Variants in RNF4 observed in about 807,000 individuals in gnomAD.
The protein encoded by RNF4 is E3 ubiquitin-protein ligase RNF4.
RNF4 carries 7 observed loss-of-function variants against 24.3 expected under a neutral mutation model. The ratio of observed to expected loss-of-function variants is 0.29; its 90% CI spans 0.16 to 0.54. The LOEUF (loss-of-function observed/expected upper bound fraction) is 0.54, where lower values mean the gene tolerates loss of function less well. RNF4 is among the 20% of genes least tolerant of loss of function. RNF4 has a pLI of 0.95. For synonymous variants in RNF4, 83 were observed against 84.3 expected (o/e 0.98, Z 0.09); for missense variants, 209 against 248.5 (o/e 0.84, Z 1.07).
At chr4:2,491,670 G>A (rs918108746) in intron 2 of RNF4, among the ~76,000 whole-genome samples, 1 of 152,016 alleles carries the variant, frequency 6.6e-6, no homozygotes, top group African/African-American at 2.4e-5. Context: ...TCAAACTCCT[G>A]ACCTCAAGTG....
intron 2 of RNF4, among the ~76,000 whole-genome samples, chr4:2,491,533 C>A (rs558524489): frequency 6.6e-6 from 1 of 152,054 alleles, no homozygotes. Flanking sequence ...ACCTCCGCCT[C>A]CCAGGTTCAA....
intron 1 of RNF4, chr4:2,480,786 G>C (rs1735222548): frequency 6.6e-6 from 1 of 152,168 alleles, no homozygotes; most frequent in Non-Finnish European, 1.5e-5. Context: ...CCTAAAGCGG[G>C]GTGGGAGCGG....
intron 2 of RNF4, among the ~76,000 whole-genome samples, chr4:2,495,023 A>G (rs1231391482): frequency 1.3e-5 from 2 of 152,234 alleles, no homozygotes; most frequent in African/African-American, 2.4e-5. Flanking sequence ...TTTTTACATA[A>G]GCAACCTGGT....
intron 4 of RNF4, chr4:2,506,105 T>C (rs1736092031): frequency 6.6e-6 from 1 of 152,202 alleles, no homozygotes; most frequent in Non-Finnish European, 1.5e-5. Flanking sequence ...GGCCATCAGA[T>C]ACAGTTTTGG....
chr4:2,485,540 T>C (rs1735380669), intron 1 of RNF4, among the ~76,000 whole-genome samples: 1 of 152,116 alleles, frequency 6.6e-6, no homozygotes, highest in Non-Finnish European at 1.5e-5. Flanking sequence ...CCTTCCCTCA[T>C]TGGGTTTTAT....
At position 2,497,154 on chromosome 4, in the gene RNF4, T is replaced by C. The variant is rs768425793; in HGVS notation, c.124+33T>C. The C allele has an allele frequency of 1.6e-5, 24 of 1,520,534 alleles. No homozygotes were observed. The African/African-American group carries it at 3.2e-4, about 20-fold the overall frequency. The allele number at this position is 1,520,534 out of a possible 1,614,324, so 94.2% of individuals were successfully genotyped here. A position where few individuals can be genotyped will look rare whatever the true frequency, so the allele number is the denominator to read the frequency against. ...TGCCAGGGACACTACAACTGTGGGG[T>C]GTTAAAGTGGAGAGAGAACACTGTA... is the stretch of plus-strand genomic sequence containing the variant. On this transcript the variant is annotated intron_variant, in intron 3 of 7. Transcript: ENST00000314289.
intron 1 of RNF4, among the ~76,000 whole-genome samples, chr4:2,470,194 A>G (rs1734859070): frequency 6.6e-6 from 1 of 152,106 alleles, no homozygotes; most frequent in Non-Finnish European, 1.5e-5. Flanking sequence ...GACTGGGGAG[A>G]CTGAGGTCCA....
intron 2 of RNF4, among the ~76,000 whole-genome samples, chr4:2,492,473 T>G (rs765868980): frequency 3.3e-5 from 5 of 152,228 alleles, no homozygotes; most frequent in African/African-American, 4.8e-5. Flanking sequence ...CACTGCAAGT[T>G]TGTTCAAATG....
chr4:2,512,604 A>T lies in RNF4; in HGVS notation c.374+7A>T. ...AGGGCGCTACAGGCCTCAGGTACCAACGTGCCCCCAGCTCTGCTGCCGCCA... is the reference window on the plus strand; with the variant it reads ...AGGGCGCTACAGGCCTCAGGTACCATCGTGCCCCCAGCTCTGCTGCCGCCA... On this transcript the variant is annotated splice_region_variant and intron_variant, in intron 6 of 7. Transcript: ENST00000314289. The surrounding 1 kb of genome is among the most constrained non-coding windows in gnomAD (Gnocchi z 4.1). 1.9e-6 allele frequency: 3 copies of T among 1,613,346 alleles called. No homozygotes were observed. Among genetic ancestry groups the T allele is most frequent in the Non-Finnish European group, 1.7e-6 (2 of 1,179,526 alleles).
At chr4:2,471,607 G>A (rs1202137108) in intron 1 of RNF4, among the ~76,000 whole-genome samples, 1 of 152,238 alleles carries the variant, frequency 6.6e-6, no homozygotes, top group Non-Finnish European at 1.5e-5. Flanking sequence ...TGTGCTGAAT[G>A]ACAGTTAGCC....
intron 1 of RNF4, among the ~76,000 whole-genome samples, chr4:2,479,648 G>A (rs1578500798): frequency 6.6e-6 from 1 of 152,256 alleles, no homozygotes; most frequent in East Asian, 1.9e-4. Context: ...CCAGCCATGT[G>A]GAACTGTTAA....
chr4:2,494,856 G>A (rs969353469), intron 2 of RNF4: 1 of 152,236 alleles, frequency 6.6e-6, no homozygotes, highest in East Asian at 1.9e-4. Context: ...AATTGTGGGA[G>A]CTAAGAATAT....
intron 2 of RNF4, chr4:2,494,605 CT>C (rs1735680354): frequency 6.6e-6 from 1 of 152,086 alleles, no homozygotes; most frequent in Non-Finnish European, 1.5e-5. Context: ...TGGTCTCGAT[CT>C]TCTGACCTTG....
intron 1 of RNF4, among the ~76,000 whole-genome samples, chr4:2,486,092 A>C (rs978865466): frequency 6.6e-5 from 10 of 152,124 alleles, no homozygotes; most frequent in African/African-American, 2.4e-4. Context: ...GGTGTGGATG[A>C]CTTTGGGGAA....
chr4:2,481,171 A>T (rs933700943), intron 1 of RNF4: 4 of 152,240 alleles, frequency 2.6e-5, no homozygotes, highest in Non-Finnish European at 5.9e-5. Flanking sequence ...AAACTGACTG[A>T]GGCCCGCTTC....
intron 1 of RNF4, among the ~76,000 whole-genome samples, chr4:2,475,925 T>C (rs1291035038): frequency 6.6e-6 from 1 of 152,324 alleles, no homozygotes; most frequent in Non-Finnish European, 1.5e-5. Flanking sequence ...TGTTAGGCTT[T>C]GTTATGTCAT....
At chr4:2,475,115 C>T (rs2108748949) in intron 1 of RNF4, among the ~76,000 whole-genome samples, 1 of 152,352 alleles carries the variant, frequency 6.6e-6, no homozygotes, top group South Asian at 2.1e-4. Flanking sequence ...CAGGGCAAGA[C>T]CCTTCACCAG....
intron 4 of RNF4, chr4:2,504,975 C>G (rs1268969781): frequency 1.3e-5 from 2 of 152,102 alleles, no homozygotes; most frequent in African/African-American, 4.8e-5. Context: ...CTCAGGTGAT[C>G]CACTCGCCTT....
At position 2,514,448 on chromosome 4, in the gene RNF4, A is replaced by G. The variant is rs1402020887; in HGVS notation, c.*629A>G. The stretch of plus-strand genomic sequence containing the variant: ...AGAACGAAAAAGTGCAATAAAGGCC[A>G]TTCGTTACCTACTTTTCAGCAGCCC... On this transcript the variant is annotated 3_prime_UTR_variant, in exon 8 of 8. Coordinates refer to ENST00000314289, the MANE Select transcript of RNF4 (RefSeq NM_002938.5). The G allele has an allele frequency of 6.5e-6, 1 of 154,634 alleles. No homozygotes were observed. Among genetic ancestry groups the G allele is most frequent in the Non-Finnish European group, 1.4e-5 (1 of 69,382 alleles). 9.6% of individuals were successfully genotyped at this position (154,634 alleles called of 1,614,324 possible).
Sources: gnomAD v4.1 joint callset for allele counts (sites outside exome capture counted in the v4.1 genomes callset) on GRCh38, gnomAD v4.1.1 for gene constraint, Gnocchi (gnomAD v3.1) non-coding constraint, MANE v1.5 for transcripts, NCBI Gene and HGNC (gene_info 2026-07-23, HGNC 2026-07-21) for gene names.